The following ZC4H2 variants were observed in gnomAD, a reference collection of about 807,000 sequenced individuals.
The protein encoded by ZC4H2 is zinc finger C4H2 domain-containing protein.
For missense variants in ZC4H2, 137 were observed against 173.9 expected, an observed-to-expected ratio of 0.79 and a Z score of 1.19; for synonymous variants, 84 against 66.3, an observed-to-expected ratio of 1.27 and a Z score of -1.30.
chrX:65,020,697 A>G (rs1932830076), intron 1 of ZC4H2, among the ~76,000 whole-genome samples: 1 of 111,910 alleles, frequency 8.9e-6, no homozygotes, highest in Non-Finnish European at 1.9e-5. Context: ...TAACCTTAAA[A>G]GTAAACGAGC....
intron 1 of ZC4H2, among the ~76,000 whole-genome samples, chrX:65,003,246 GAC>G (rs776230692): frequency 9.0e-6 from 1 of 110,629 alleles, no homozygotes; most frequent in African/African-American, 3.3e-5. Context: ...TGAGAACAAA[GAC>G]AATGTACCAG....
intron 1 of ZC4H2, among the ~76,000 whole-genome samples, chrX:64,930,039 T>A (rs764751715): frequency 8.9e-6 from 1 of 111,854 alleles, no homozygotes; most frequent in African/African-American, 3.2e-5. Flanking sequence ...TCATCTATGA[T>A]CTTTTTTAGG....
chrX:64,922,119 CA>C (rs1929224355), intron 1 of ZC4H2, 131 bp from the exon 2 acceptor site: 4 of 1,093,554 alleles, frequency 3.7e-6, no homozygotes, highest in Non-Finnish European at 4.8e-6. Flanking sequence ...GAGGCCATCT[CA>C]AAAAAGAAGG....
At chrX:64,962,217 C>T (rs1246096628) in intron 1 of ZC4H2, among the ~76,000 whole-genome samples, 1 of 111,471 alleles carries the variant, frequency 9.0e-6, no homozygotes, top group African/African-American at 3.2e-5. Context: ...TACAACACGG[C>T]CAGTGGAATT....
chrX:64,950,729 G>A (rs1184287892), intron 1 of ZC4H2, among the ~76,000 whole-genome samples: 1 of 110,545 alleles, frequency 9.0e-6, no homozygotes, highest in Non-Finnish European at 1.9e-5. Flanking sequence ...TTTATTTTAA[G>A]CCTATGTGTG....
intron 1 of ZC4H2, among the ~76,000 whole-genome samples, chrX:65,024,998 G>A (rs750753887): frequency 3.6e-5 from 4 of 110,795 alleles, no homozygotes; most frequent in African/African-American, 6.6e-5. Context: ...TGTACTCCCC[G>A]TATTTAAAAT....
At chrX:64,928,785 CTTCTTT>C (rs1338030965) in intron 1 of ZC4H2, among the ~76,000 whole-genome samples, 3 of 100,632 alleles carry the variant, frequency 3.0e-5, no homozygotes, top group Non-Finnish European at 6.0e-5. Context: ...TTCTCTTCTT[CTTCTTT>C]TTCTTCTCCT....
chrX:64,991,238 A>T (rs1015422533), intron 1 of ZC4H2, among the ~76,000 whole-genome samples: 1 of 112,099 alleles, frequency 8.9e-6, no homozygotes, highest in Non-Finnish European at 1.9e-5. Flanking sequence ...AAAAGAGGGA[A>T]GGTATGGGAA....
At chrX:64,927,882 A>C (rs183121938) in intron 1 of ZC4H2, among the ~76,000 whole-genome samples, 59 of 112,653 alleles carry the variant, frequency 5.2e-4, no homozygotes, top group African/African-American at 1.9e-3. Context: ...ATGACCAGTG[A>C]TGATGAGCTT....
intron 1 of ZC4H2, among the ~76,000 whole-genome samples, chrX:64,930,163 C>A (rs1018138868): frequency 4.5e-5 from 5 of 111,259 alleles, no homozygotes; most frequent in African/African-American, 1.3e-4. Flanking sequence ...TGATTTAATT[C>A]TCAGCTTAGT....
intron 1 of ZC4H2, among the ~76,000 whole-genome samples, chrX:64,934,895 A>G (rs967833150): frequency 3.6e-5 from 4 of 110,634 alleles, no homozygotes; most frequent in South Asian, 3.8e-4. Context: ...CCAGCACAAA[A>G]CTGGGCGGCC....
intron 1 of ZC4H2, among the ~76,000 whole-genome samples, chrX:65,018,487 G>T (rs1022894359): frequency 2.7e-5 from 3 of 112,122 alleles, no homozygotes; most frequent in African/African-American, 9.7e-5. Context: ...TTGAGGAATG[G>T]TGCACTCTTG....
chrX:65,022,141 A>C (rs1932841288), intron 1 of ZC4H2, among the ~76,000 whole-genome samples: 1 of 112,114 alleles, frequency 8.9e-6, no homozygotes, highest in African/African-American at 3.2e-5. Context: ...ATTCCAAACA[A>C]TAGAAAAAGA....
At chrX:64,982,249 C>T (rs748743975) in intron 1 of ZC4H2, among the ~76,000 whole-genome samples, 1 of 112,034 alleles carries the variant, frequency 8.9e-6, no homozygotes, top group South Asian at 3.8e-4. Context: ...TTCTAACAGC[C>T]TCCTTTATAT....
At chrX:64,953,804 C>A (rs1930991699) in intron 1 of ZC4H2, among the ~76,000 whole-genome samples, 1 of 111,389 alleles carries the variant, frequency 9.0e-6, no homozygotes, top group Non-Finnish European at 1.9e-5. Context: ...TTGACCCAGC[C>A]ATCCCCTTAC....
chrX:64,952,232 T>G (rs924895171), intron 1 of ZC4H2, among the ~76,000 whole-genome samples: 4 of 110,110 alleles, frequency 3.6e-5, no homozygotes, highest in Non-Finnish European at 7.6e-5. Context: ...AGTCAGGTAG[T>G]GTGATGCCTC....
At chrX:64,992,123 C>T (rs1412132103) in intron 1 of ZC4H2, among the ~76,000 whole-genome samples, 1 of 111,706 alleles carries the variant, frequency 9.0e-6, no homozygotes, top group Admixed American at 9.5e-5. Context: ...CTAAATTATA[C>T]ACTTAAAACA....
intron 1 of ZC4H2, among the ~76,000 whole-genome samples, chrX:64,987,649 A>G (rs1409492562): frequency 2.7e-5 from 3 of 110,833 alleles, no homozygotes; most frequent in Non-Finnish European, 5.7e-5. Context: ...TTTTAGAAAA[A>G]AAAAGGAGAA....
chrX:65,021,237 A>G (rs908312388), intron 1 of ZC4H2, among the ~76,000 whole-genome samples: 12 of 111,093 alleles, frequency 1.1e-4, no homozygotes, highest in Non-Finnish European at 2.3e-4. Flanking sequence ...TCTTAGCACC[A>G]TATCGCACTT....
Sources: gnomAD v4.1 joint callset for allele counts (sites outside exome capture counted in the v4.1 genomes callset) on GRCh38, gnomAD v4.1.1 for gene constraint, MANE v1.5 for transcripts, NCBI Gene and HGNC (gene_info 2026-07-23, HGNC 2026-07-21) for gene names.